Variants in LHFPL3 observed in about 807,000 individuals in gnomAD.
LHFPL3 encodes LHFPL tetraspan subfamily member 3 protein.
A neutral mutation model predicts 19.3 loss-of-function variants in LHFPL3; 5 were observed. That is an observed-to-expected ratio of 0.26 (90% CI 0.14 to 0.54). The LOEUF is 0.54. Among genes scored for constraint, LHFPL3 ranks in the 20% least tolerant of loss-of-function variants. The pLI, the probability that LHFPL3 is intolerant of heterozygous loss-of-function variation, is 0.94. For missense variants in LHFPL3, 249 were observed against 307.4 expected, an observed-to-expected ratio of 0.81 and a Z score of 1.42; for synonymous variants, 133 against 126.2, an observed-to-expected ratio of 1.05 and a Z score of -0.36.
chr7:104,502,956 C>A (rs1044675569), intron 1 of LHFPL3, among the ~76,000 whole-genome samples: 3 of 152,088 alleles, frequency 2.0e-5, no homozygotes, highest in African/African-American at 7.2e-5. Flanking sequence ...TAAATCATTT[C>A]AAATTTTCTG....
chr7:104,392,500 G>A (rs867549076), intron 1 of LHFPL3, among the ~76,000 whole-genome samples: 2 of 151,974 alleles, frequency 1.3e-5, no homozygotes, highest in Non-Finnish European at 2.9e-5. Flanking sequence ...ATTGATTTGT[G>A]TATATTGAAC....
intron 1 of LHFPL3, among the ~76,000 whole-genome samples, chr7:104,402,735 A>C (rs146599996): frequency 1.9e-4 from 29 of 152,230 alleles, no homozygotes; most frequent in African/African-American, 7.0e-4. Flanking sequence ...AAATTATACT[A>C]TTTTTTTGCT....
At chr7:104,459,647 C>G (rs1295452322) in intron 1 of LHFPL3, among the ~76,000 whole-genome samples, 1 of 152,186 alleles carries the variant, frequency 6.6e-6, no homozygotes, top group Non-Finnish European at 1.5e-5. Context: ...AGAAAACTGG[C>G]TGAAGGCAAG....
At chr7:104,462,475 T>G (rs945423665) in intron 1 of LHFPL3, among the ~76,000 whole-genome samples, 2 of 152,240 alleles carry the variant, frequency 1.3e-5, no homozygotes, top group Non-Finnish European at 2.9e-5. Flanking sequence ...TCTGCAGCTA[T>G]TGAGATAATC....
chr7:104,563,519 C>G (rs1356997632), intron 1 of LHFPL3, among the ~76,000 whole-genome samples: 1 of 152,286 alleles, frequency 6.6e-6, no homozygotes, highest in African/African-American at 2.4e-5. Context: ...CCAAGGGAGG[C>G]AATGCCTCGC....
chr7:104,718,261 T>C (rs1356403421), intron 1 of LHFPL3, among the ~76,000 whole-genome samples: 1 of 152,180 alleles, frequency 6.6e-6, no homozygotes, highest in East Asian at 1.9e-4. Flanking sequence ...TATTGTGTGC[T>C]TGAAATTTTA....
chr7:104,845,538 A>G, intron 2 of LHFPL3: 1 of 1,335,268 alleles, frequency 7.5e-7, no homozygotes, highest in East Asian at 2.7e-5. Flanking sequence ...AGCGCTTAGC[A>G]CTTGAGCCGC....
At chr7:104,372,389 G>T (rs561956473) in intron 1 of LHFPL3, among the ~76,000 whole-genome samples, 4 of 152,222 alleles carry the variant, frequency 2.6e-5, no homozygotes, top group Non-Finnish European at 4.4e-5. Flanking sequence ...ATATTAGTAT[G>T]GTTCTTGATT....
chr7:104,582,018 A>G (rs1790471046), intron 1 of LHFPL3, among the ~76,000 whole-genome samples: 2 of 151,958 alleles, frequency 1.3e-5, no homozygotes, highest in African/African-American at 4.8e-5. Context: ...GAAAGCCTTT[A>G]TGGTATTATT....
At chr7:104,623,754 C>A (rs1232192280) in intron 1 of LHFPL3, among the ~76,000 whole-genome samples, 1 of 152,190 alleles carries the variant, frequency 6.6e-6, no homozygotes, top group Non-Finnish European at 1.5e-5. Context: ...AAGCAAGGTT[C>A]CTGGCCCACG....
intron 1 of LHFPL3, among the ~76,000 whole-genome samples, chr7:104,616,780 T>C (rs900060954): frequency 6.6e-6 from 1 of 151,924 alleles, no homozygotes; most frequent in African/African-American, 2.4e-5. Context: ...ATCCAGAATC[T>C]ACAAGGAACT....
intron 1 of LHFPL3, chr7:104,667,957 G>A (rs921633777): frequency 5.6e-6 from 9 of 1,613,232 alleles, no homozygotes; most frequent in Admixed American, 3.3e-5. Context: ...CCAATTGACC[G>A]TTCCATCCTT....
rs532718096 is a variant in LHFPL3 at position 104,633,196 on chromosome 7, C to T, written c.446-103479C>T. Among the ~76,000 whole-genome samples, 24 of 152,288 alleles carry T rather than the reference C, an allele frequency of 1.6e-4. 1 individual carries two copies. In the East Asian group the frequency reaches 3.9e-3, roughly 24 times the overall value. On this transcript the variant is annotated intron_variant, in intron 1 of 2. Coordinates refer to ENST00000424859, the MANE Select transcript of LHFPL3 (RefSeq NM_199000.3). ...GTCATCTGCAAGTTATTCAGTTTCT[C>T]AATGTCAGATAGCCTTTGGAAAACA...
chr7:104,430,839 C>G (rs183818599), intron 1 of LHFPL3, among the ~76,000 whole-genome samples: 1 of 152,128 alleles, frequency 6.6e-6, no homozygotes, highest in East Asian at 1.9e-4. Flanking sequence ...GCTCCCTCCT[C>G]CACCCCATCT....
chr7:104,574,889 A>G (rs1480222970), intron 1 of LHFPL3, among the ~76,000 whole-genome samples: 1 of 152,228 alleles, frequency 6.6e-6, no homozygotes, highest in Non-Finnish European at 1.5e-5. Context: ...AAAACACCAG[A>G]TGGAAAATAT....
chr7:104,584,283 G>A (rs148465255), intron 1 of LHFPL3, among the ~76,000 whole-genome samples: 5,825 of 151,686 alleles, frequency 0.038, 145 homozygotes, highest in Non-Finnish European at 0.058. Context: ...ACAGGAAGGG[G>A]AACGTCACAC....
At chr7:104,391,736 C>T (rs1483709319) in intron 1 of LHFPL3, among the ~76,000 whole-genome samples, 5 of 152,070 alleles carry the variant, frequency 3.3e-5, no homozygotes, top group Admixed American at 1.3e-4. Flanking sequence ...TCATTGGTAG[C>T]TTGATGGGGA....
At chr7:104,612,430 G>T (rs1791229239) in intron 1 of LHFPL3, among the ~76,000 whole-genome samples, 1 of 151,932 alleles carries the variant, frequency 6.6e-6, no homozygotes, top group South Asian at 2.1e-4. Context: ...CATCCAAGAG[G>T]CAAAACAAAA....
chr7:104,388,486 A>C (rs1046908873), intron 1 of LHFPL3, among the ~76,000 whole-genome samples: 2 of 152,142 alleles, frequency 1.3e-5, no homozygotes, highest in African/African-American at 4.8e-5. Context: ...AAGAAGGTCA[A>C]ACCAATCTTT....
Sources: allele counts gnomAD v4.1 joint callset (sites outside exome capture counted in the v4.1 genomes callset), GRCh38; gene constraint gnomAD v4.1.1; transcripts MANE v1.5; gene names NCBI Gene and HGNC (gene_info 2026-07-23, HGNC 2026-07-21).